Variants in PLCG2 observed in about 807,000 individuals in gnomAD.
PLCG2 encodes phospholipase C gamma 2, also known as 1-phosphatidylinositol 4,5-bisphosphate phosphodiesterase gamma-2.
Under a neutral mutation model 175.6 loss-of-function variants are expected in PLCG2, and 69 were observed. That is an observed-to-expected ratio of 0.39 (90% confidence interval 0.32 to 0.48). PLCG2 has a LOEUF of 0.48. PLCG2 is among the 20% of genes least tolerant of loss of function. The pLI is 0.91. For synonymous variants in PLCG2, 827 were observed against 624.0 expected, an observed-to-expected ratio of 1.33 and a Z score of -4.85; for missense variants, 1,798 against 1,650.9, an observed-to-expected ratio of 1.09 and a Z score of -1.54.
intron 5 of PLCG2, among the ~76,000 whole-genome samples, chr16:81,860,044 C>T (rs896973542): frequency 6.6e-5 from 10 of 151,784 alleles, no homozygotes; most frequent in East Asian, 1.9e-4. Context: ...AGTCATAGCT[C>T]GCTGCAGCCG....
upstream of PLCG2, among the ~76,000 whole-genome samples, chr16:81,777,024 A>G (rs1910425421): frequency 1.3e-5 from 2 of 151,936 alleles, no homozygotes; most frequent in East Asian, 1.9e-4. Context: ...TAAAAACATG[A>G]AAGAAAAAAA....
At chr16:81,743,093 G>T (rs1909630095) in intron 1 of PLCG2, among the ~76,000 whole-genome samples, 1 of 152,156 alleles carries the variant, frequency 6.6e-6, no homozygotes, top group African/African-American at 2.4e-5. Flanking sequence ...TTTAGCCCAG[G>T]AGTTTGAGAC....
intron 2 of PLCG2, among the ~76,000 whole-genome samples, chr16:81,762,402 C>G (rs866609666): frequency 1.3e-5 from 2 of 151,952 alleles, no homozygotes; most frequent in Middle Eastern, 3.4e-3. Context: ...TATCCTGTCT[C>G]TACTAAAAAC....
intron 2 of PLCG2, chr16:81,766,609 C>T (rs572395199): frequency 6.6e-6 from 1 of 152,436 alleles, no homozygotes; most frequent in African/African-American, 2.4e-5. Context: ...AAGTGCTCAC[C>T]CCACTGGAAA....
At chr16:81,938,986 G>C (rs879640709) in intron 29 of PLCG2, 71 bp downstream of exon 29, 8 of 856,804 alleles carry the variant, frequency 9.3e-6, no homozygotes, top group African/African-American at 1.7e-5. Context: ...AGTGCTCTTC[G>C]TGGGGGATTT....
At chr16:81,944,701 C>G (rs1273505991) in intron 30 of PLCG2, among the ~76,000 whole-genome samples, 1 of 152,072 alleles carries the variant, frequency 6.6e-6, no homozygotes, top group East Asian at 1.9e-4. Flanking sequence ...GTCTTGAATT[C>G]CTGGCTTCAA....
chr16:81,741,648 A>C (rs1293088392), intron 1 of PLCG2, among the ~76,000 whole-genome samples: 1 of 152,142 alleles, frequency 6.6e-6, no homozygotes, highest in Admixed American at 6.6e-5. Flanking sequence ...TGTCTCTACG[A>C]AAAATACAAA....
intron 1 of PLCG2, among the ~76,000 whole-genome samples, chr16:81,740,798 C>T (rs1259997348): frequency 1.4e-5 from 2 of 147,918 alleles, no homozygotes; most frequent in Non-Finnish European, 3.0e-5. Context: ...GCTTCCTCTT[C>T]CCACTGTGGG....
intron 7 of PLCG2, among the ~76,000 whole-genome samples, chr16:81,877,973 ATTTTTTTT>A (rs71146052): frequency 6.1e-4 from 34 of 55,760 alleles, no homozygotes; most frequent in African/African-American, 1.6e-3. Context: ...TTTTTTTTTA[ATTTTTTTT>A]TTTTTTTTTT....
intron 2 of PLCG2, among the ~76,000 whole-genome samples, chr16:81,792,275 A>G (rs1297417501): frequency 6.6e-6 from 1 of 152,110 alleles, no homozygotes; most frequent in African/African-American, 2.4e-5. Context: ...TGGGGTCAGG[A>G]GTTCGAGACC....
At chr16:81,905,544 C>T (rs747827456) in intron 15 of PLCG2, 37 bp downstream of exon 15, 1 of 1,376,432 alleles carries the variant, frequency 7.3e-7, no homozygotes, top group Admixed American at 1.7e-5. Context: ...ACTGCGGCCA[C>T]GCCCCTTGCA....
intron 7 of PLCG2, among the ~76,000 whole-genome samples, chr16:81,876,717 G>T (rs1907808443): frequency 6.6e-6 from 1 of 152,206 alleles, no homozygotes; most frequent in Non-Finnish European, 1.5e-5. Context: ...CCCTTTGCTG[G>T]GGTGGGAAGG....
intron 2 of PLCG2, among the ~76,000 whole-genome samples, chr16:81,804,271 G>A (rs900000538): frequency 2.0e-5 from 3 of 152,190 alleles, no homozygotes; most frequent in African/African-American, 7.2e-5. Flanking sequence ...TTATGTCATT[G>A]TGGTTCTGAT....
At chr16:81,926,804 C>T (rs1295641162) in intron 22 of PLCG2, among the ~76,000 whole-genome samples, 1 of 152,152 alleles carries the variant, frequency 6.6e-6, no homozygotes, top group Non-Finnish European at 1.5e-5. Context: ...CTGACTTCCA[C>T]GTAAAGCATG....
In PLCG2 at chr16:81,934,460, A is replaced by G. The variant is rs1910627340; in HGVS notation, c.2771A>G (p.Gln924Arg). 1 of 1,613,356 alleles carries G rather than the reference A, an allele frequency of 6.2e-7. No homozygotes were observed. Among genetic ancestry groups the G allele is most frequent in the Non-Finnish European group, 8.5e-7 (1 of 1,179,494 alleles). Residue 924 changes from glutamine to arginine, a missense_variant, in exon 26 of 33, where the codon CAG becomes CGG. Coordinates refer to ENST00000564138, the MANE Select transcript of PLCG2 (RefSeq NM_002661.5). ...AACATGAAGTACTGGGAGAAGAACCAGTCCATCGCCATCGAGCTCTCTGAC... is the reference window on the plus strand; with the variant it reads ...AACATGAAGTACTGGGAGAAGAACCGGTCCATCGCCATCGAGCTCTCTGAC... ...ENNMKYWEKN[Q>R]SIAIELSDLV...
At chr16:81,888,162 G>A (rs1908459204) in intron 9 of PLCG2, among the ~76,000 whole-genome samples, 1 of 152,196 alleles carries the variant, frequency 6.6e-6, no homozygotes, top group Admixed American at 6.5e-5. Flanking sequence ...TAAGTGAGAT[G>A]ACCATAGGAG....
intron 2 of PLCG2, among the ~76,000 whole-genome samples, chr16:81,827,190 G>GTTTTTTTTTTTTTTTTTTT (rs368220809): frequency 1.4e-5 from 2 of 144,066 alleles, no homozygotes; most frequent in African/African-American, 2.6e-5. Flanking sequence ...GGATTGCTGG[G>GTTTTTTTTTTTTTTTTTTT]TTTTTTTTTT....
chr16:81,921,797 C>T (rs1195135273), intron 21 of PLCG2, among the ~76,000 whole-genome samples: 2 of 152,200 alleles, frequency 1.3e-5, no homozygotes, highest in Non-Finnish European at 2.9e-5. Context: ...ATGTGGCACA[C>T]AATTAGTGTA....
chr16:81,745,298 A>C (rs549464415), intron 1 of PLCG2, among the ~76,000 whole-genome samples: 21 of 152,276 alleles, frequency 1.4e-4, no homozygotes, highest in South Asian at 1.2e-3. Context: ...GAGTTGCCGG[A>C]AGCCTTCTTG....
Sources: gnomAD v4.1 joint callset for allele counts (sites outside exome capture counted in the v4.1 genomes callset) on GRCh38, gnomAD v4.1.1 for gene constraint, MANE v1.5 for transcripts, NCBI Gene and HGNC (gene_info 2026-07-23, HGNC 2026-07-21) for gene names.